The following FGF14 variants were observed in gnomAD, a reference collection of about 807,000 sequenced individuals.
The protein encoded by FGF14 is fibroblast growth factor 14.
FGF14 carries 5 observed loss-of-function variants against 25.5 expected under a neutral mutation model. The ratio of observed to expected loss-of-function variants is 0.20; its 90% CI spans 0.10 to 0.41. The LOEUF is 0.41. Among genes scored for constraint, FGF14 ranks in the 10% least tolerant of loss-of-function variants. The pLI is 1.00. For synonymous variants in FGF14, 138 were observed against 118.3 expected, an observed-to-expected ratio of 1.17 and a Z score of -1.08; for missense variants, 222 against 320.1, an observed-to-expected ratio of 0.69 and a Z score of 2.34.
chr13:101,940,156 C>T (rs1000315129), intron 1 of FGF14, among the ~76,000 whole-genome samples: 17 of 152,158 alleles, frequency 1.1e-4, no homozygotes, highest in African/African-American at 4.1e-4. Context: ...TGTATCCATG[C>T]CTTGGGTTGG....
chr13:102,058,427 G>A (rs2042531278), intron 1 of FGF14, among the ~76,000 whole-genome samples: 1 of 151,996 alleles, frequency 6.6e-6, no homozygotes, highest in Non-Finnish European at 1.5e-5. Flanking sequence ...CTTCCCTCTT[G>A]AGGAAAAGTA....
chr13:102,386,641 T>C (rs1366530189), intron 1 of FGF14, among the ~76,000 whole-genome samples: 1 of 152,204 alleles, frequency 6.6e-6, no homozygotes, highest in Non-Finnish European at 1.5e-5. Context: ...CAGAGTGAAC[T>C]GAATGACCCT....
At chr13:102,155,522 G>T (rs1594183517) in intron 1 of FGF14, among the ~76,000 whole-genome samples, 1 of 152,136 alleles carries the variant, frequency 6.6e-6, no homozygotes, top group Non-Finnish European at 1.5e-5. Context: ...AGTGTGTAGA[G>T]GGAAATTTAT....
chr13:101,974,285 C>T (rs1442529793), intron 1 of FGF14, among the ~76,000 whole-genome samples: 1 of 152,200 alleles, frequency 6.6e-6, no homozygotes, highest in Admixed American at 6.5e-5. Context: ...GCATTTTCTT[C>T]ATCTTTCAGA....
chr13:101,816,923 CAA>C (rs1486056042), intron 3 of FGF14, among the ~76,000 whole-genome samples: 2 of 152,124 alleles, frequency 1.3e-5, no homozygotes, highest in Non-Finnish European at 2.9e-5. Context: ...TTGCTAAGCC[CAA>C]GTTTAAAAAA....
intron 1 of FGF14, among the ~76,000 whole-genome samples, chr13:102,147,043 T>C (rs1194893757): frequency 1.3e-5 from 2 of 152,190 alleles, no homozygotes; most frequent in African/African-American, 4.8e-5. Context: ...AATAAATAAA[T>C]AGCATCCACT....
In FGF14 at chr13:101,906,365, G is replaced by A. The variant is rs189133796; in HGVS notation, c.193+10088C>T. Among the ~76,000 whole-genome samples the A allele has an allele frequency of 5.0e-3, 764 of 152,238 alleles. 3 individuals carry two copies. Among genetic ancestry groups the A allele is most frequent in the South Asian group, 0.023 (113 of 4,816 alleles). ...CAATTGTAAGTTGGCCAAATGGTAA[G>A]AGGAATAAAAAAGCCATGAACAAAT... On this transcript the variant is annotated intron_variant, in intron 1 of 4. Coordinates refer to ENST00000376143, the MANE Select transcript of FGF14 (RefSeq NM_004115.4).
intron 1 of FGF14, among the ~76,000 whole-genome samples, chr13:101,962,754 A>G (rs915909698): frequency 1.3e-5 from 2 of 152,196 alleles, no homozygotes; most frequent in African/African-American, 4.8e-5. Context: ...TTATTTTTAT[A>G]CATGTATTGT....
intron 1 of FGF14, among the ~76,000 whole-genome samples, chr13:101,933,610 G>A (rs1365890877): frequency 6.6e-6 from 1 of 152,118 alleles, no homozygotes; most frequent in Non-Finnish European, 1.5e-5. Flanking sequence ...TGTAGTCCCA[G>A]CTACTCGGGA....
intron 1 of FGF14, among the ~76,000 whole-genome samples, chr13:102,210,554 G>A (rs1017934229): frequency 1.3e-5 from 2 of 152,030 alleles, no homozygotes; most frequent in African/African-American, 4.8e-5. Flanking sequence ...TTTGGGGGTG[G>A]GTAGTGCAAA....
intron 3 of FGF14, among the ~76,000 whole-genome samples, chr13:101,854,165 T>C (rs2044004996): frequency 6.6e-6 from 1 of 152,128 alleles, no homozygotes; most frequent in Non-Finnish European, 1.5e-5. Flanking sequence ...TGCGTACAAT[T>C]TAGAAGAATC....
chr13:101,993,826 C>T (rs1025180824), intron 1 of FGF14, among the ~76,000 whole-genome samples: 4 of 151,686 alleles, frequency 2.6e-5, no homozygotes, highest in Non-Finnish European at 4.4e-5. Flanking sequence ...CAGTTTGTGA[C>T]GAGTTAATGG....
chr13:101,895,593 G>C (rs1263086859), intron 1 of FGF14, among the ~76,000 whole-genome samples: 2 of 151,966 alleles, frequency 1.3e-5, no homozygotes, highest in Non-Finnish European at 2.9e-5. Flanking sequence ...TCATCAGAAG[G>C]GTCACTGAAG....
At chr13:101,962,376 T>C (rs554412341) in intron 1 of FGF14, among the ~76,000 whole-genome samples, 2 of 152,296 alleles carry the variant, frequency 1.3e-5, no homozygotes, top group East Asian at 1.9e-4. Context: ...TGTTGGTGTA[T>C]AGGAATGCTT....
At chr13:102,125,298 A>G (rs2045905984) in intron 1 of FGF14, among the ~76,000 whole-genome samples, 1 of 152,194 alleles carries the variant, frequency 6.6e-6, no homozygotes, top group Non-Finnish European at 1.5e-5. Flanking sequence ...CTTATTACAC[A>G]TGCATTTATA....
chr13:102,249,162 A>T (rs927737560), intron 1 of FGF14, among the ~76,000 whole-genome samples: 35 of 152,174 alleles, frequency 2.3e-4, no homozygotes, highest in African/African-American at 8.0e-4. Flanking sequence ...AGCATTTACT[A>T]CAATGGATGA....
intron 1 of FGF14, among the ~76,000 whole-genome samples, chr13:102,121,753 A>G (rs1408965353): frequency 3.9e-5 from 6 of 152,228 alleles, no homozygotes; most frequent in Non-Finnish European, 8.8e-5. Flanking sequence ...GTCAGGGAAC[A>G]GCTTCTGCTA....
At chr13:102,019,296 G>T (rs982086776) in intron 1 of FGF14, among the ~76,000 whole-genome samples, 1 of 152,054 alleles carries the variant, frequency 6.6e-6, no homozygotes, top group Non-Finnish European at 1.5e-5. Context: ...ACTTTCTTCT[G>T]CTCTATGTCA....
intron 1 of FGF14, among the ~76,000 whole-genome samples, chr13:101,967,189 G>A (rs1362811762): frequency 6.6e-6 from 1 of 152,150 alleles, no homozygotes; most frequent in Non-Finnish European, 1.5e-5. Flanking sequence ...GATTTTTCAA[G>A]GCTCATCCCA....
Sources: gnomAD v4.1 joint callset for allele counts (sites outside exome capture counted in the v4.1 genomes callset) on GRCh38, gnomAD v4.1.1 for gene constraint, MANE v1.5 for transcripts, NCBI Gene and HGNC (gene_info 2026-07-23, HGNC 2026-07-21) for gene names.